PMS1: variants seen among roughly 807,000 people sequenced by gnomAD.
PMS1 encodes the protein PMS1 protein homolog 1.
A neutral mutation model predicts 93.1 loss-of-function variants in PMS1; 79 were observed. The observed-to-expected ratio is 0.85, with a 90% CI of 0.71 to 1.02. The LOEUF (loss-of-function observed/expected upper bound fraction) is 1.02. PMS1 is among the 50% of genes least tolerant of loss of function. The probability of loss-of-function intolerance (pLI) is 0.00; values close to 1 mark genes in which losing one functional copy is unlikely to be tolerated. For synonymous variants in PMS1, 335 were observed against 363.4 expected (o/e 0.92, Z 0.89); for missense variants, 1,064 against 1,085.3 (o/e 0.98, Z 0.28).
intron 6 of PMS1, among the ~76,000 whole-genome samples, chr2:189,844,901 A>T (rs2054129279): frequency 6.6e-6 from 1 of 151,734 alleles, no homozygotes; most frequent in African/African-American, 2.4e-5. Flanking sequence ...TCTGTCACCC[A>T]GGCTGGAGTG....
chr2:189,811,635 A>T (rs1254570318), intron 4 of PMS1, among the ~76,000 whole-genome samples: 1 of 152,168 alleles, frequency 6.6e-6, no homozygotes, highest in Non-Finnish European at 1.5e-5. Flanking sequence ...AGATTGAAAA[A>T]AGAAAATGTC....
intron 5 of PMS1, among the ~76,000 whole-genome samples, chr2:189,825,822 G>A (rs1444212972): frequency 1.3e-5 from 2 of 152,106 alleles, no homozygotes; most frequent in African/African-American, 4.8e-5. Context: ...TTATTGAGAT[G>A]TTGGTTTTCA....
At chr2:189,842,962 T>TCA (rs2053936010) in intron 5 of PMS1, among the ~76,000 whole-genome samples, 1 of 148,708 alleles carries the variant, frequency 6.7e-6, no homozygotes, top group Non-Finnish European at 1.5e-5. Flanking sequence ...TACAAAGTAT[T>TCA]TATATATATA....
intron 9 of PMS1, among the ~76,000 whole-genome samples, chr2:189,858,377 T>A (rs2055576212): frequency 6.6e-6 from 1 of 152,162 alleles, no homozygotes; most frequent in African/African-American, 2.4e-5. Flanking sequence ...ATAAACTTTA[T>A]AACTAAATGC....
intron 3 of PMS1, among the ~76,000 whole-genome samples, chr2:189,796,472 T>C (rs939225083): frequency 6.6e-6 from 1 of 152,204 alleles, no homozygotes; most frequent in African/African-American, 2.4e-5. Flanking sequence ...CTATAACCAT[T>C]ATTCATCTCC....
intron 6 of PMS1, among the ~76,000 whole-genome samples, chr2:189,849,509 T>C (rs879774573): frequency 2.0e-5 from 3 of 152,188 alleles, no homozygotes; most frequent in Non-Finnish European, 2.9e-5. Context: ...CAAAGTCCTT[T>C]TCATATTGCT....
At chr2:189,822,973 A>G (rs1347155500) in intron 5 of PMS1, among the ~76,000 whole-genome samples, 2 of 152,236 alleles carry the variant, frequency 1.3e-5, no homozygotes, top group East Asian at 1.9e-4. Context: ...TTGTAATACT[A>G]CAAGTATAAT....
chr2:189,806,142 A>G, intron 4 of PMS1: 1 of 346,310 alleles, frequency 2.9e-6, no homozygotes, highest in Non-Finnish European at 5.2e-6. Flanking sequence ...AGATATGATT[A>G]AATAATTTAA....
chr2:189,826,990 A>C (rs1258494569), intron 5 of PMS1, among the ~76,000 whole-genome samples: 5 of 152,060 alleles, frequency 3.3e-5, no homozygotes, highest in Admixed American at 2.0e-4. Flanking sequence ...TAGGGAGTAT[A>C]TTTTCACTTG....
In PMS1 at chr2:189,863,900, T is replaced by G. The variant is rs1269288103; in HGVS notation, c.2014T>G (p.Leu672Val). ...LAQKHKLKTS[L>V]SNQPKLDELL... is the part of the protein sequence containing the mutation. ...CCAGAAGCACAAGTTAAAAACCTCA[T>G]TATCTAATCAACCAAAACTTGATGA... is the stretch of plus-strand genomic sequence containing the variant. The change falls in exon 10 of 13, where the codon TTA becomes GTA. Residue 672 changes from leucine (L) to valine (V), a missense_variant. By Grantham distance (32) the Leu-to-Val change is conservative. Transcript: ENST00000441310. 3.7e-6 allele frequency: 6 copies of G among 1,613,798 alleles called. No individual in the cohort carries two copies. The highest frequency in any genetic ancestry group is 8.5e-7 in the Non-Finnish European group (1 of 1,179,924).
At chr2:189,871,699 C>A (rs1046281889) in intron 11 of PMS1, among the ~76,000 whole-genome samples, 2 of 152,348 alleles carry the variant, frequency 1.3e-5, no homozygotes, top group East Asian at 3.9e-4. Context: ...ACTTCTACAT[C>A]TTCAGTTATC....
intron 4 of PMS1, among the ~76,000 whole-genome samples, chr2:189,816,433 T>C (rs1469202036): frequency 6.6e-6 from 1 of 152,198 alleles, no homozygotes; most frequent in Non-Finnish European, 1.5e-5. Context: ...GTAAGAAACT[T>C]GTTCTTTCTG....
chr2:189,854,889 G>T lies in PMS1; in HGVS notation c.1617G>T (p.Met539Ile). Residue 539 changes from methionine to isoleucine, a missense_variant, in exon 9 of 13, where the codon ATG becomes ATT. Met to Ile is a conservative substitution (Grantham distance 10, BLOSUM62 1). Transcript: ENST00000441310. ...ATAATTATCCAATCCCTGAACAAAT[G>T]AATCTTAATGAAGATTCATGTAACA... ...SNNNYPIPEQ[M>I]NLNEDSCNKK... 1.2e-6 allele frequency: 2 copies of T among 1,605,666 alleles called. No homozygotes were observed. Among genetic ancestry groups the T allele is most frequent in the South Asian group, 1.1e-5 (1 of 90,454 alleles).
At chr2:189,827,946 CAG>C (rs2052581842) in intron 5 of PMS1, among the ~76,000 whole-genome samples, 2 of 146,550 alleles carry the variant, frequency 1.4e-5, no homozygotes, top group South Asian at 4.3e-4. Context: ...TTGTTTGAGA[CAG>C]AGTCTTGCTC....
At chr2:189,877,118 G>A (rs569272623) in intron 12 of PMS1, among the ~76,000 whole-genome samples, 154 bp from the exon 13 acceptor site, 66 of 152,238 alleles carry the variant, frequency 4.3e-4, no homozygotes, top group Middle Eastern at 6.8e-3. Context: ...ACTACATCCC[G>A]AGAGCTGACA....
chr2:189,866,900 TC>T (rs1431602937), intron 10 of PMS1, among the ~76,000 whole-genome samples: 1 of 152,114 alleles, frequency 6.6e-6, no homozygotes, highest in African/African-American at 2.4e-5. Flanking sequence ...ACCACCACCA[TC>T]CCTACTGTCT....
intron 4 of PMS1, chr2:189,806,614 C>T (rs2050372350): frequency 1.5e-5 from 3 of 200,364 alleles, no homozygotes; most frequent in African/African-American, 2.3e-5. Flanking sequence ...CCCAGCTGGC[C>T]TCGAACTCCT....
chr2:189,855,915 A>C, intron 9 of PMS1: 3 of 902,456 alleles, frequency 3.3e-6, no homozygotes, highest in Non-Finnish European at 4.3e-6. Flanking sequence ...AATCATATAC[A>C]GGTATCTGAG....
chr2:189,812,540 G>A (rs2050938569), intron 4 of PMS1, among the ~76,000 whole-genome samples: 1 of 152,148 alleles, frequency 6.6e-6, no homozygotes, highest in Non-Finnish European at 1.5e-5. Flanking sequence ...ATGGAAAGAC[G>A]AGTATTTTAA....
Sources: allele counts gnomAD v4.1 joint callset (sites outside exome capture counted in the v4.1 genomes callset), GRCh38; gene constraint gnomAD v4.1.1; transcripts MANE v1.5; gene names NCBI Gene and HGNC (gene_info 2026-07-23, HGNC 2026-07-21).